The following CSMD1 variants were observed in gnomAD, a reference collection of about 807,000 sequenced individuals.
CSMD1 encodes CUB and sushi domain-containing protein 1.
CSMD1 carries 213 observed loss-of-function variants against 417.5 expected under a neutral mutation model. The ratio of observed to expected loss-of-function variants is 0.51; its 90% CI spans 0.46 to 0.57. CSMD1 has a LOEUF of 0.57. CSMD1 is among the 20% of genes least tolerant of loss of function. CSMD1 has a pLI of 0.00. For missense variants in CSMD1, 6,923 were observed against 4,529.7 expected (o/e 1.53, Z -15.17); for synonymous variants, 2,862 against 1,736.8 (o/e 1.65, Z -16.11).
chr8:4,079,053 T>G (rs1208755602), intron 3 of CSMD1, among the ~76,000 whole-genome samples: 1 of 150,952 alleles, frequency 6.6e-6, no homozygotes, highest in Admixed American at 6.6e-5. Flanking sequence ...ACCACAAGAG[T>G]GGTCCCGAAT....
At position 3,969,465 on chromosome 8, in the gene CSMD1, C is replaced by G. The variant is rs117752654; in HGVS notation, c.818+28438G>C. The stretch of plus-strand genomic sequence containing the variant: ...CATGGTCACTAGTGTTGTTTAAGAT[C>G]CTGGTCTATAAGTTTGTGTTTTTTT... On this transcript the variant is annotated intron_variant, in intron 5 of 69. Coordinates refer to ENST00000635120, the MANE Select transcript of CSMD1 (RefSeq NM_033225.6). 1.0e-3 allele frequency among the ~76,000 whole-genome samples: 154 copies of G among 152,220 alleles called. 1 individual carries two copies. Among genetic ancestry groups the G allele is most frequent in the Non-Finnish European group, 1.6e-3 (108 of 68,004 alleles).
rs151320425 is a variant in CSMD1, at chr8:4,339,786, G to C, written c.415+80167C>G. 1.6e-3 allele frequency among the ~76,000 whole-genome samples: 240 copies of C among 152,220 alleles called. 4 individuals are homozygous for C. In the East Asian group the frequency reaches 0.042, roughly 27 times the overall value. ...CACCAAAAATCCTAATGCTTTGGGA[G>C]AATGAGGTGGGAGAACCACTTGAGG... On this transcript the variant is annotated intron_variant, in intron 3 of 69. Coordinates refer to ENST00000635120, the MANE Select transcript of CSMD1 (RefSeq NM_033225.6).
intron 2 of CSMD1, among the ~76,000 whole-genome samples, chr8:4,487,227 T>C (rs1325127353): frequency 1.3e-5 from 2 of 152,152 alleles, no homozygotes; most frequent in Non-Finnish European, 2.9e-5. Context: ...AATGTGCCGG[T>C]TTGTTACATA....
intron 26 of CSMD1, among the ~76,000 whole-genome samples, chr8:3,250,619 C>T (rs935929966): frequency 6.6e-6 from 1 of 152,150 alleles, no homozygotes; most frequent in Non-Finnish European, 1.5e-5. Flanking sequence ...TTCTAGGTCC[C>T]TGAGGAATCG....
chr8:4,202,609 G>T (rs1041033174), intron 3 of CSMD1, among the ~76,000 whole-genome samples: 2 of 152,128 alleles, frequency 1.3e-5, no homozygotes, highest in African/African-American at 4.8e-5. Context: ...CAATCTCTTT[G>T]AGTATCATGG....
intron 2 of CSMD1, among the ~76,000 whole-genome samples, chr8:4,454,401 A>T (rs1238018345): frequency 6.6e-6 from 1 of 152,106 alleles, no homozygotes; most frequent in Non-Finnish European, 1.5e-5. Context: ...GCTCTGGTAT[A>T]CCTCTAGGAG....
chr8:3,444,553 C>A (rs561804446), intron 12 of CSMD1, among the ~76,000 whole-genome samples: 66 of 152,210 alleles, frequency 4.3e-4, no homozygotes, highest in African/African-American at 1.6e-3. Flanking sequence ...TATTTGCACA[C>A]TGAGGGTGAG....
intron 4 of CSMD1, 117 bp downstream of exon 4, chr8:4,031,788 T>G (rs1441954254): frequency 4.2e-6 from 3 of 716,324 alleles, no homozygotes; most frequent in Non-Finnish European, 6.5e-6. Flanking sequence ...GAGCTGACAT[T>G]GTAAGAGTCA....
At chr8:4,065,828 T>A (rs73500999) in intron 3 of CSMD1, among the ~76,000 whole-genome samples, 2,762 of 152,314 alleles carry the variant, frequency 0.018, 95 homozygotes, top group African/African-American at 0.063. Flanking sequence ...TTTCTTTTTT[T>A]GGAATATATT....
In CSMD1 at chr8:4,931,050, T is replaced by G. The variant is rs561693923; in HGVS notation, c.85+63282A>C. Among the ~76,000 whole-genome samples, 11 of 152,336 alleles carry G rather than the reference T, an allele frequency of 7.2e-5. 1 individual carries two copies. In the South Asian group the frequency reaches 2.1e-3, roughly 29 times the overall value. Reference sequence around the variant, plus strand: ...AAAGGAAATCTGCCCTTACAAATCCTTGACTTATCTGTAATAATTGGCTTG... The same window carrying G: ...AAAGGAAATCTGCCCTTACAAATCCGTGACTTATCTGTAATAATTGGCTTG... On this transcript the variant is annotated intron_variant, in intron 1 of 69. Transcript: ENST00000635120.
intron 3 of CSMD1, among the ~76,000 whole-genome samples, chr8:4,271,390 A>T (rs74404805): frequency 6.6e-6 from 1 of 152,142 alleles, no homozygotes; most frequent in East Asian, 1.9e-4. Context: ...AGTTTAAAAA[A>T]TACGTAGCTT....
At chr8:4,333,875 C>A (rs1351226745) in intron 3 of CSMD1, among the ~76,000 whole-genome samples, 1 of 152,008 alleles carries the variant, frequency 6.6e-6, no homozygotes, top group Non-Finnish European at 1.5e-5. Flanking sequence ...GATTCTAATA[C>A]AATTTTTCCC....
At chr8:4,391,064 G>A (rs554083050) in intron 3 of CSMD1, among the ~76,000 whole-genome samples, 10 of 152,252 alleles carry the variant, frequency 6.6e-5, no homozygotes, top group African/African-American at 2.2e-4. Context: ...GAGCACTAGG[G>A]TCGTTGTCTA....
intron 18 of CSMD1, among the ~76,000 whole-genome samples, chr8:3,378,862 C>T (rs1485053154): frequency 1.3e-5 from 2 of 152,182 alleles, no homozygotes; most frequent in Admixed American, 1.3e-4. Context: ...TTTCTCACCA[C>T]TCCTATTCAA....
At chr8:3,996,150 G>C (rs570817163) in intron 5 of CSMD1, among the ~76,000 whole-genome samples, 15 of 151,838 alleles carry the variant, frequency 9.9e-5, no homozygotes, top group Non-Finnish European at 1.9e-4. Flanking sequence ...ACTGATCATA[G>C]GTTCTAGAAT....
intron 3 of CSMD1, among the ~76,000 whole-genome samples, chr8:4,183,202 G>C (rs541216136): frequency 6.6e-6 from 1 of 152,066 alleles, no homozygotes; most frequent in South Asian, 2.1e-4. Context: ...GGAAAAAATG[G>C]GTATACAGAG....
Position 3,897,179 on chromosome 8 carries a change from G to C in CSMD1, c.818+100724C>G, listed in dbSNP as rs149121454. Among the ~76,000 whole-genome samples, 8 of 152,312 alleles carry C rather than the reference G, an allele frequency of 5.3e-5. No individual in the cohort carries two copies. In the East Asian group the frequency reaches 7.7e-4, roughly 15 times the overall value. ...CTGAATTTCAACGAGACAAGGGTTAGTAGCACAATGGTGTCAAGAAGTTAT... is the reference window on the plus strand; with the variant it reads ...CTGAATTTCAACGAGACAAGGGTTACTAGCACAATGGTGTCAAGAAGTTAT... On this transcript the variant is annotated intron_variant, in intron 5 of 69. Coordinates refer to ENST00000635120, the MANE Select transcript of CSMD1 (RefSeq NM_033225.6).
chr8:4,111,323 C>G (rs1801843171), intron 3 of CSMD1, among the ~76,000 whole-genome samples: 1 of 152,074 alleles, frequency 6.6e-6, no homozygotes, highest in African/African-American at 2.4e-5. Context: ...AAGAAAGAAT[C>G]TGCTGTTACG....
At chr8:3,099,825 T>A (rs539954904) in intron 46 of CSMD1, among the ~76,000 whole-genome samples, 1 of 152,334 alleles carries the variant, frequency 6.6e-6, no homozygotes, top group East Asian at 1.9e-4. Context: ...CAACTTGTTA[T>A]ATAATTCCCA....
Sources: allele counts gnomAD v4.1 joint callset (sites outside exome capture counted in the v4.1 genomes callset), GRCh38; gene constraint gnomAD v4.1.1; transcripts MANE v1.5; gene names NCBI Gene and HGNC (gene_info 2026-07-23, HGNC 2026-07-21).